DMGDH: variants seen among roughly 807,000 people sequenced by gnomAD.
DMGDH encodes the protein dimethylglycine dehydrogenase, also known as dimethylglycine dehydrogenase, mitochondrial.
Under a neutral mutation model 95.2 loss-of-function variants are expected in DMGDH, and 76 were observed. The ratio of observed to expected loss-of-function variants is 0.80; its 90% confidence interval spans 0.66 to 0.97. The LOEUF (loss-of-function observed/expected upper bound fraction) is 0.97. Ranked by LOEUF, DMGDH falls within the 50% of genes least tolerant of loss-of-function variation. The pLI, the probability that DMGDH is intolerant of heterozygous loss-of-function variation, is 0.00. For synonymous variants in DMGDH, 345 were observed against 377.6 expected (o/e 0.91, Z 1.00); for missense variants, 987 against 1,055.0 (o/e 0.94, Z 0.89).
chr5:79,052,011 A>C (rs1311882119), intron 4 of DMGDH, among the ~76,000 whole-genome samples: 4 of 152,246 alleles, frequency 2.6e-5, no homozygotes, highest in African/African-American at 7.2e-5. Context: ...TTGGCTGAGC[A>C]CCAAATACAA....
intron 14 of DMGDH, among the ~76,000 whole-genome samples, chr5:79,008,360 T>G (rs1394204203): frequency 7.2e-6 from 1 of 139,348 alleles, no homozygotes; most frequent in Non-Finnish European, 1.6e-5. Flanking sequence ...CATTATAATC[T>G]GATCTACACA....
intron 14 of DMGDH, among the ~76,000 whole-genome samples, chr5:79,010,263 G>C (rs968648932): frequency 6.6e-6 from 1 of 152,160 alleles, no homozygotes; most frequent in African/African-American, 2.4e-5. Context: ...ATTTTTGGTT[G>C]TGATTCTTAG....
Position 79,031,010 on chromosome 5 carries a change from C to T in DMGDH, c.1518-12G>A, listed in dbSNP as rs771981908. On this transcript the variant is annotated splice_polypyrimidine_tract_variant and intron_variant, in intron 9 of 15. Coordinates refer to ENST00000255189, the MANE Select transcript of DMGDH (RefSeq NM_013391.3). ...GGCGAAAACTTGGCCTGAAACACAA[C>T]ATTTAGTGTCATAAAACAACTCCCG... 17 of 1,613,976 alleles carry T rather than the reference C, an allele frequency of 1.1e-5. No individual in the cohort carries two copies. In the African/African-American group the frequency reaches 1.2e-4, roughly 11 times the overall value.
chr5:79,039,704 T>TAAC (rs1754452224), intron 7 of DMGDH, among the ~76,000 whole-genome samples: 1 of 151,626 alleles, frequency 6.6e-6, no homozygotes, highest in South Asian at 2.1e-4. Flanking sequence ...ACTTAAAGTA[T>TAAC]AATAATAATA....
chr5:79,028,598 T>G lies in DMGDH; in HGVS notation c.1867A>C (p.Ile623Leu). Residue 623 changes from isoleucine to leucine, a missense_variant, in exon 12 of 16, where the codon ATA (isoleucine) becomes CTA (leucine). Physicochemically the swap from Ile to Leu is conservative, Grantham distance 5 (BLOSUM62 2). Coordinates refer to ENST00000255189, the MANE Select transcript of DMGDH (RefSeq NM_013391.3). Reference protein sequence around the residue: ...KGGYDVEIKNITDELGVLGVA... With the variant: ...KGGYDVEIKNLTDELGVLGVA... ...CCAAGAACTCCAAGCTCATCAGTTA[T>G]GTTTTTAATTTCAACATCATATCCA... is the stretch of plus-strand genomic sequence containing the variant. 6.2e-7 allele frequency: 1 copy of G among 1,614,188 alleles called. No homozygotes were observed. Among genetic ancestry groups the G allele is most frequent in the South Asian group, 1.1e-5 (1 of 91,078 alleles).
intron 14 of DMGDH, among the ~76,000 whole-genome samples, chr5:79,015,957 T>A (rs1040396551): frequency 2.6e-5 from 4 of 152,210 alleles, no homozygotes; most frequent in Admixed American, 1.3e-4. Context: ...TGATCTTTTT[T>A]AAAAATGTTA....
intron 15 of DMGDH, among the ~76,000 whole-genome samples, chr5:78,999,834 A>C: frequency 6.6e-6 from 1 of 151,662 alleles, no homozygotes; most frequent in African/African-American, 2.4e-5. Flanking sequence ...GGCAGGGATT[A>C]GGGTCAGAGA....
chr5:79,048,795 C>A (rs1320902542), intron 5 of DMGDH, among the ~76,000 whole-genome samples: 1 of 151,478 alleles, frequency 6.6e-6, no homozygotes, highest in Non-Finnish European at 1.5e-5. Flanking sequence ...ACACACCCCT[C>A]CACACCTCCT....
intron 9 of DMGDH, 60 bp from the exon 10 acceptor site, chr5:79,031,058 A>G (rs1754161611): frequency 1.9e-6 from 3 of 1,586,692 alleles, no homozygotes; most frequent in Non-Finnish European, 2.6e-6. Context: ...AAATTACAGA[A>G]TACGATATTT....
chr5:79,021,154 G>A, intron 14 of DMGDH: 8 of 987,600 alleles, frequency 8.1e-6, no homozygotes, highest in Non-Finnish European at 8.4e-6. Context: ...CCGCAGCTTT[G>A]GTCAAGGCTT....
chr5:79,002,618 G>GAC (rs138355954), intron 15 of DMGDH, among the ~76,000 whole-genome samples: 33 of 151,976 alleles, frequency 2.2e-4, no homozygotes, highest in Middle Eastern at 3.4e-3. Context: ...GCATATGGTA[G>GAC]ACACACACAC....
Position 79,025,178 on chromosome 5 carries a change from G to A in DMGDH, c.2191-848C>T, listed in dbSNP as rs76344729. On this transcript the variant is annotated intron_variant, in intron 13 of 15. Transcript: ENST00000255189. ...CACTAGAGGGCGCTCTGGCACTGCTGGGAAATCGGAGGGACGGGAGAAGGA... is the reference window on the plus strand; with the variant it reads ...CACTAGAGGGCGCTCTGGCACTGCTAGGAAATCGGAGGGACGGGAGAAGGA... Among the ~76,000 whole-genome samples the A allele has an allele frequency of 6.3e-3, 953 of 152,324 alleles. 7 individuals carry two copies. Among genetic ancestry groups the A allele is most frequent in the African/African-American group, 0.021 (877 of 41,576 alleles).
In DMGDH at chr5:79,016,601, A is replaced by G. The variant is rs914549904; in HGVS notation, c.2250+7670T>C. ...AATAAAAGATGACCTGAATAAATGG[A>G]GAGATGGAACTTGTTCATGAATTGT... On this transcript the variant is annotated intron_variant, in intron 14 of 15. Coordinates refer to ENST00000255189, the MANE Select transcript of DMGDH (RefSeq NM_013391.3). Among the ~76,000 whole-genome samples the G allele has an allele frequency of 1.1e-4, 17 of 152,368 alleles. 1 individual carries two copies. Among genetic ancestry groups the G allele is most frequent in the Admixed American group, 5.9e-4 (9 of 15,302 alleles).
chr5:79,020,966 T>G (rs140342770), intron 14 of DMGDH: 2 of 985,326 alleles, frequency 2.0e-6, no homozygotes, highest in Admixed American at 6.1e-5. Flanking sequence ...ATTTTCCTTT[T>G]GCTCTTGATT....
chr5:79,011,822 G>A (rs539950009), intron 14 of DMGDH, among the ~76,000 whole-genome samples: 1 of 152,260 alleles, frequency 6.6e-6, no homozygotes, highest in African/African-American at 2.4e-5. Context: ...TACCAAGGGG[G>A]ATTGTGCTAA....
intron 2 of DMGDH, among the ~76,000 whole-genome samples, chr5:79,060,280 C>T (rs1755160849): frequency 6.6e-6 from 1 of 152,220 alleles, no homozygotes; most frequent in Non-Finnish European, 1.5e-5. Context: ...CCAAGGGCAG[C>T]CCCTTCTCGG....
rs1408103035 is a variant in DMGDH at position 79,005,488 on chromosome 5, CT to C, written c.2251-82del. The C allele has an allele frequency of 4.4e-6, 7 of 1,585,126 alleles. No homozygotes were observed. The African/African-American group carries it at 9.4e-5, about 21-fold the overall frequency. On this transcript the variant is annotated intron_variant, in intron 14 of 15. Coordinates refer to ENST00000255189, the MANE Select transcript of DMGDH (RefSeq NM_013391.3). ...TAGAGATGCAAGCATTTAAATTTGT[CT>C]TTCCTATTTTCTCACCAATTACACA...
At chr5:79,046,171 C>A (rs1400045087) in intron 5 of DMGDH, among the ~76,000 whole-genome samples, 2 of 152,144 alleles carry the variant, frequency 1.3e-5, no homozygotes, top group African/African-American at 4.8e-5. Context: ...ACTGCAACAT[C>A]TGCCTCCAGG....
intron 13 of DMGDH, 137 bp downstream of exon 13, chr5:79,026,287 C>T: frequency 9.2e-7 from 1 of 1,091,976 alleles, no homozygotes. Flanking sequence ...ACCTCTTCCC[C>T]TAATGAAATA....
Sources: gnomAD v4.1 joint callset for allele counts (sites outside exome capture counted in the v4.1 genomes callset) on GRCh38, gnomAD v4.1.1 for gene constraint, MANE v1.5 for transcripts, NCBI Gene and HGNC (gene_info 2026-07-23, HGNC 2026-07-21) for gene names.